ECPAS: variants seen among roughly 807,000 people sequenced by gnomAD.
ECPAS encodes the protein Ecm29 proteasome adaptor and scaffold, also known as proteasome adapter and scaffold protein ECM29.
A neutral mutation model predicts 255.1 loss-of-function variants in ECPAS; 70 were observed. The observed-to-expected ratio is 0.27, with a 90% confidence interval of 0.23 to 0.33. The LOEUF (loss-of-function observed/expected upper bound fraction) is 0.33. Among genes scored for constraint, ECPAS ranks in the 10% least tolerant of loss-of-function variants. The pLI is 1.00. For synonymous variants in ECPAS, 784 were observed against 775.0 expected (o/e 1.01, Z -0.19); for missense variants, 1,817 against 2,206.4 (o/e 0.82, Z 3.54).
chr9:111,390,427 AAG>A (rs1284314816), intron 29 of ECPAS, among the ~76,000 whole-genome samples: 2 of 152,162 alleles, frequency 1.3e-5, no homozygotes, highest in South Asian at 2.1e-4. Context: ...ACGTGATCAT[AAG>A]AGAGTCATTG....
intron 2 of ECPAS, among the ~76,000 whole-genome samples, chr9:111,452,842 C>T (rs1380370997): frequency 6.6e-6 from 1 of 152,146 alleles, no homozygotes; most frequent in African/African-American, 2.4e-5. Context: ...TTTTCAATAC[C>T]ATTCTCCAGG....
At chr9:111,362,284 C>T in intron 49 of ECPAS, 115 bp from the exon 50 acceptor site, 1 of 802,192 alleles carries the variant, frequency 1.2e-6, no homozygotes, top group Non-Finnish European at 1.9e-6. Flanking sequence ...ATCCTATCCC[C>T]CAAATAAATG....
At chr9:111,455,387 G>C (rs1306841564) in intron 2 of ECPAS, among the ~76,000 whole-genome samples, 1 of 152,204 alleles carries the variant, frequency 6.6e-6, no homozygotes, top group Non-Finnish European at 1.5e-5. Context: ...AGGAAGCTGA[G>C]GCAGGAGAAT....
At chr9:111,468,216 C>A (rs2098281835) in intron 2 of ECPAS, among the ~76,000 whole-genome samples, 1 of 152,080 alleles carries the variant, frequency 6.6e-6, no homozygotes, top group Non-Finnish European at 1.5e-5. Flanking sequence ...CAAGCGCACA[C>A]TGGAACACAG....
rs757856856 is a variant in ECPAS, at chr9:111,416,261, G to C, written c.1764+11C>G. 1 of 1,596,408 alleles carries C rather than the reference G, an allele frequency of 6.3e-7. No individual in the cohort carries two copies. The highest frequency in any genetic ancestry group is 1.3e-5 in the African/African-American group (1 of 74,514). On this transcript the variant is annotated intron_variant, in intron 18 of 49. Transcript: ENST00000684092. The stretch of plus-strand genomic sequence containing the variant: ...TTACAAAAAGTAAATAGAAATATAT[G>C]AAAGTTCTACCTCTCCAAAGGCTGC...
intron 46 of ECPAS, among the ~76,000 whole-genome samples, chr9:111,368,616 C>T (rs989536943): frequency 7.2e-5 from 11 of 152,088 alleles, no homozygotes; most frequent in African/African-American, 2.7e-4. Flanking sequence ...CCTAATCCAG[C>T]GTGCCTGGTG....
intron 6 of ECPAS, among the ~76,000 whole-genome samples, 163 bp downstream of exon 6, chr9:111,440,209 G>A (rs966888178): frequency 3.9e-5 from 6 of 152,120 alleles, no homozygotes; most frequent in Admixed American, 3.9e-4. Flanking sequence ...TTGTAAAGCC[G>A]ATAAGCAGTG....
intron 4 of ECPAS, 48 bp from the exon 5 acceptor site, chr9:111,442,472 G>T: frequency 9.4e-7 from 1 of 1,067,446 alleles, no homozygotes; most frequent in Non-Finnish European, 1.4e-6. Context: ...AATACTCTAT[G>T]ATTTCAATGA....
At chr9:111,442,600 T>G (rs2098247409) in intron 4 of ECPAS, among the ~76,000 whole-genome samples, 176 bp from the exon 5 acceptor site, 1 of 152,162 alleles carries the variant, frequency 6.6e-6, no homozygotes, top group Non-Finnish European at 1.5e-5. Context: ...GAGGAAAAAT[T>G]CCAGTCCAAC....
chr9:111,466,528 A>G (rs2098279785), intron 2 of ECPAS, among the ~76,000 whole-genome samples: 1 of 152,174 alleles, frequency 6.6e-6, no homozygotes, highest in Non-Finnish European at 1.5e-5. Flanking sequence ...TAAAATTCCA[A>G]AACAAAACAA....
At chr9:111,450,620 C>T (rs1157862669) in intron 3 of ECPAS, among the ~76,000 whole-genome samples, 1 of 152,128 alleles carries the variant, frequency 6.6e-6, no homozygotes, top group South Asian at 2.1e-4. Flanking sequence ...CCATGTAGAA[C>T]AGTTTCGTTA....
intron 8 of ECPAS, among the ~76,000 whole-genome samples, chr9:111,431,722 G>A (rs2098230325): frequency 6.6e-6 from 1 of 152,086 alleles, no homozygotes; most frequent in Non-Finnish European, 1.5e-5. Flanking sequence ...CTGCTTTCAA[G>A]CTATCCTGTG....
At chr9:111,369,298 CTA>C (rs2098124505) in intron 45 of ECPAS, 125 bp from the exon 46 acceptor site, 1 of 628,704 alleles carries the variant, frequency 1.6e-6, no homozygotes, top group Non-Finnish European at 2.4e-6. Flanking sequence ...GATAAATTCT[CTA>C]CCATAAGTTT....
chr9:111,405,475 G>C (rs1301384937), intron 24 of ECPAS, among the ~76,000 whole-genome samples: 1 of 149,574 alleles, frequency 6.7e-6, no homozygotes, highest in Non-Finnish European at 1.5e-5. Context: ...AACACTTCAG[G>C]ATACTGGTCT....
intron 2 of ECPAS, among the ~76,000 whole-genome samples, chr9:111,459,594 C>T (rs1035435377): frequency 1.3e-5 from 2 of 152,032 alleles, no homozygotes; most frequent in Non-Finnish European, 2.9e-5. Context: ...GAAAACTGAG[C>T]CAGGCCAGAA....
chr9:111,384,378 C>A, intron 34 of ECPAS, 144 bp downstream of exon 34: 1 of 697,810 alleles, frequency 1.4e-6, no homozygotes, highest in Non-Finnish European at 2.6e-6. Context: ...CTCACTTTCT[C>A]ATTCATTCTA....
rs551465846 is a variant in ECPAS, at chr9:111,370,786, G to C, written c.4738-21C>G. On this transcript the variant is annotated intron_variant, in intron 43 of 49. Transcript: ENST00000684092. Reference sequence around the variant, plus strand: ...TCCTCCTAAGGGGTTGAAAGATGAGGAAATACTATTAAGCCCAAACATGTC... The same window carrying C: ...TCCTCCTAAGGGGTTGAAAGATGAGCAAATACTATTAAGCCCAAACATGTC... 74 of 1,587,402 alleles carry C rather than the reference G, an allele frequency of 4.7e-5. No homozygotes were observed. In the South Asian group the frequency reaches 8.4e-4, roughly 18 times the overall value.
rs187828433 is a variant in ECPAS, at chr9:111,365,350, G to A, written c.5308+889C>T. On this transcript the variant is annotated intron_variant, in intron 48 of 49. Coordinates refer to ENST00000684092, the MANE Select transcript of ECPAS (RefSeq NM_001364929.1). ...ACCTGGACTGGATTCCCTAATGGAGGGGAGGGGGAAAAAATCCTATAAAGA... is the reference window on the plus strand; with the variant it reads ...ACCTGGACTGGATTCCCTAATGGAGAGGAGGGGGAAAAAATCCTATAAAGA... 1.9e-3 allele frequency among the ~76,000 whole-genome samples: 284 copies of A among 151,556 alleles called. 4 individuals carry two copies. The highest frequency in any genetic ancestry group is 6.1e-3 in the African/African-American group (251 of 41,342).
At chr9:111,395,258 C>G (rs1274641029) in intron 25 of ECPAS, among the ~76,000 whole-genome samples, 1 of 152,130 alleles carries the variant, frequency 6.6e-6, no homozygotes, top group Non-Finnish European at 1.5e-5. Context: ...ACTAGATTCC[C>G]ATAACATGCC....
Sources: gnomAD v4.1 joint callset for allele counts (sites outside exome capture counted in the v4.1 genomes callset) on GRCh38, gnomAD v4.1.1 for gene constraint, MANE v1.5 for transcripts, NCBI Gene and HGNC (gene_info 2026-07-23, HGNC 2026-07-21) for gene names.